The following TMPRSS11F variants were observed in gnomAD, a reference collection of about 807,000 sequenced individuals.
The protein encoded by TMPRSS11F is transmembrane serine protease 11F.
Under a neutral mutation model 60.2 loss-of-function variants are expected in TMPRSS11F, and 47 were observed. The observed-to-expected ratio is 0.78, with a 90% CI of 0.62 to 1.00. The LOEUF (loss-of-function observed/expected upper bound fraction) is 1.00, where lower values mean the gene tolerates loss of function less well. Ranked by LOEUF, TMPRSS11F falls within the 50% of genes least tolerant of loss-of-function variation. The pLI is 0.00. For synonymous variants in TMPRSS11F, 166 were observed against 167.3 expected (o/e 0.99, Z 0.06); for missense variants, 519 against 522.9 (o/e 0.99, Z 0.07).
chr4:68,081,851 T>C (rs1334407397), intron 3 of TMPRSS11F, among the ~76,000 whole-genome samples: 1 of 152,206 alleles, frequency 6.6e-6, no homozygotes, highest in Non-Finnish European at 1.5e-5. Context: ...TCAACATTTT[T>C]GCTGAAGAAC....
At chr4:68,099,783 C>A (rs1398959890) in intron 1 of TMPRSS11F, among the ~76,000 whole-genome samples, 2 of 152,036 alleles carry the variant, frequency 1.3e-5, no homozygotes, top group African/African-American at 2.4e-5. Context: ...ATAGGACCTA[C>A]CACATCAAAA....
At position 68,084,635 on chromosome 4, in the gene TMPRSS11F, G is replaced by A. The variant is rs149113893; in HGVS notation, c.282+5888C>T. Among the ~76,000 whole-genome samples, 703 of 152,140 alleles carry A rather than the reference G, an allele frequency of 4.6e-3. 4 individuals carry two copies. Among genetic ancestry groups the A allele is most frequent in the Middle Eastern group, 0.017 (5 of 294 alleles). On this transcript the variant is annotated intron_variant, in intron 3 of 9. Coordinates refer to ENST00000356291, the MANE Select transcript of TMPRSS11F (RefSeq NM_207407.2). ...GCTAAGAGAATTCGTTACCACTATCGGCCTTACAAGAGGTCCTTAAGAGAA... is the reference window on the plus strand; with the variant it reads ...GCTAAGAGAATTCGTTACCACTATCAGCCTTACAAGAGGTCCTTAAGAGAA...
Position 68,068,757 on chromosome 4 carries a change from T to C in TMPRSS11F, c.616A>G (p.Ile206Val). Residue 206 changes from isoleucine (I) to valine (V), a missense_variant, in exon 7 of 10, where the codon ATT becomes GTT. Transcript: ENST00000356291. ...PLPASSSTQR[I>V]VQGRETAMEG... ...ATAGCTGTTTCCCTTCCTTGGACAA[T>C]TCTTTGAGTAGAAGAGGATGCTGGT... 2 of 1,614,242 alleles carry C rather than the reference T, an allele frequency of 1.2e-6. No homozygotes were observed. The highest frequency in any genetic ancestry group is 1.7e-6 in the Non-Finnish European group (2 of 1,180,046).
chr4:68,100,704 G>C (rs1724175017), intron 1 of TMPRSS11F, among the ~76,000 whole-genome samples: 1 of 151,962 alleles, frequency 6.6e-6, no homozygotes, highest in South Asian at 2.1e-4. Context: ...CTTGGGTCTG[G>C]GTCTGAACCA....
intron 1 of TMPRSS11F, among the ~76,000 whole-genome samples, chr4:68,104,959 G>GT (rs36174695): frequency 0.64 from 89,238 of 139,828 alleles, 29,121 homozygotes; most frequent in Admixed American, 0.74. Context: ...TTGCTTGTAG[G>GT]TTTTTTTTTT....
At chr4:68,101,244 G>C (rs1025212093) in intron 1 of TMPRSS11F, among the ~76,000 whole-genome samples, 3 of 152,142 alleles carry the variant, frequency 2.0e-5, no homozygotes, top group Non-Finnish European at 4.4e-5. Flanking sequence ...TAATGTGGAA[G>C]TTGAAATAAG....
intron 1 of TMPRSS11F, among the ~76,000 whole-genome samples, chr4:68,103,800 T>C (rs1724242677): frequency 6.6e-6 from 1 of 152,186 alleles, no homozygotes; most frequent in Non-Finnish European, 1.5e-5. Context: ...AGGATATCTT[T>C]CCATTTATTG....
rs570218020 is a variant in TMPRSS11F at position 68,058,076 on chromosome 4, G to T, written c.1158+1250C>A. Among the ~76,000 whole-genome samples the T allele has an allele frequency of 2.6e-4, 39 of 152,290 alleles. 1 individual carries two copies. Among genetic ancestry groups the T allele is most frequent in the Admixed American group, 2.5e-3 (38 of 15,298 alleles). ...ACCAGAGTCTGGGTGAGCCTAGGCG[G>T]GTGGAGAGTGAGGGAAAGGGGAGTT... On this transcript the variant is annotated intron_variant, in intron 9 of 9. Transcript: ENST00000356291.
At chr4:68,128,992 T>G (rs896475858) in intron 1 of TMPRSS11F, among the ~76,000 whole-genome samples, 4 of 152,140 alleles carry the variant, frequency 2.6e-5, no homozygotes, top group African/African-American at 9.7e-5. Context: ...CAATTAAAAT[T>G]ATCACAAAAT....
At chr4:68,077,133 G>T (rs1290444801) in intron 3 of TMPRSS11F, 2 of 152,222 alleles carry the variant, frequency 1.3e-5, no homozygotes, top group African/African-American at 4.8e-5. Context: ...CTGCAAGAAG[G>T]GTTCCAATTA....
intron 3 of TMPRSS11F, among the ~76,000 whole-genome samples, chr4:68,082,817 G>A (rs544453969): frequency 6.6e-6 from 1 of 152,380 alleles, no homozygotes; most frequent in Non-Finnish European, 1.5e-5. Context: ...TGGTACAGAA[G>A]CTGGTGTGCC....
At position 68,064,900 on chromosome 4, in the gene TMPRSS11F, A is replaced by G. The variant is rs753577220; in HGVS notation, c.800T>C (p.Ile267Thr). 3.7e-6 allele frequency: 6 copies of G among 1,614,048 alleles called. No individual in the cohort carries two copies. The South Asian group carries it at 5.5e-5, about 15-fold the overall frequency. ...ATTTCGTTTCACTGCGGGTGGTGTT[A>G]TAGTTGCACCAAAAGTAGCAATCCA... Reference protein sequence around the residue: ...TQWIATFGATITPPAVKRNVR... With the variant: ...TQWIATFGATTTPPAVKRNVR... Residue 267 changes from isoleucine (I) to threonine (T), a missense_variant, in exon 8 of 10, where the codon ATA becomes ACA. Physicochemically the swap from Ile to Thr is moderately conservative, Grantham distance 89. Coordinates refer to ENST00000356291, the MANE Select transcript of TMPRSS11F (RefSeq NM_207407.2).
intron 3 of TMPRSS11F, among the ~76,000 whole-genome samples, chr4:68,085,165 T>C (rs1442369628): frequency 2.0e-5 from 3 of 146,542 alleles, no homozygotes; most frequent in African/African-American, 5.1e-5. Flanking sequence ...TCCAAGTCTT[T>C]GCTATTGTGA....
At chr4:68,054,368 T>C (rs940249343) in intron 9 of TMPRSS11F, among the ~76,000 whole-genome samples, 2 of 152,152 alleles carry the variant, frequency 1.3e-5, no homozygotes, top group African/African-American at 4.8e-5. Flanking sequence ...ACTATGTATA[T>C]AAAATGTTAA....
intron 7 of TMPRSS11F, among the ~76,000 whole-genome samples, chr4:68,066,191 A>T (rs1042209010): frequency 6.6e-6 from 1 of 151,974 alleles, no homozygotes; most frequent in Non-Finnish European, 1.5e-5. Flanking sequence ...AGAGATTAAG[A>T]TAAGATTTTA....
intron 3 of TMPRSS11F, among the ~76,000 whole-genome samples, chr4:68,089,257 C>T (rs1454491576): frequency 5.9e-5 from 9 of 151,976 alleles, no homozygotes; most frequent in African/African-American, 1.9e-4. Context: ...ATTTTACATC[C>T]CATGAACTTT....
At chr4:68,106,142 C>G (rs957645146) in intron 1 of TMPRSS11F, among the ~76,000 whole-genome samples, 1 of 152,008 alleles carries the variant, frequency 6.6e-6, no homozygotes, top group African/African-American at 2.4e-5. Flanking sequence ...ATAAACAGAA[C>G]ACAGTACCTA....
intron 7 of TMPRSS11F, among the ~76,000 whole-genome samples, 180 bp downstream of exon 7, chr4:68,068,438 T>A (rs1272877445): frequency 1.3e-5 from 2 of 152,070 alleles, no homozygotes; most frequent in African/African-American, 4.8e-5. Flanking sequence ...GAACTACAAA[T>A]GACAAAAACT....
chr4:68,081,640 C>T (rs1028223293), intron 3 of TMPRSS11F, among the ~76,000 whole-genome samples: 1 of 152,296 alleles, frequency 6.6e-6, no homozygotes, highest in South Asian at 2.1e-4. Context: ...TTTAATCACA[C>T]GAGCAAGTCT....
Sources: allele counts gnomAD v4.1 joint callset (sites outside exome capture counted in the v4.1 genomes callset), GRCh38; gene constraint gnomAD v4.1.1; transcripts MANE v1.5; gene names NCBI Gene and HGNC (gene_info 2026-07-23, HGNC 2026-07-21).